Variants in GALC observed in about 807,000 individuals in gnomAD.
The protein encoded by GALC is galactosylceramidase.
Under a neutral mutation model 91.8 loss-of-function variants are expected in GALC, and 77 were observed. The ratio of observed to expected loss-of-function variants is 0.84; its 90% CI spans 0.70 to 1.01. The LOEUF (loss-of-function observed/expected upper bound fraction) is 1.01. Ranked by LOEUF, GALC falls within the 50% of genes least tolerant of loss-of-function variation. The pLI is 0.00. For synonymous variants in GALC, 357 were observed against 306.7 expected, an observed-to-expected ratio of 1.16 and a Z score of -1.71; for missense variants, 882 against 855.9, an observed-to-expected ratio of 1.03 and a Z score of -0.38.
chr14:87,983,103 G>A (rs918101311), intron 5 of GALC, among the ~76,000 whole-genome samples: 6 of 152,104 alleles, frequency 3.9e-5, no homozygotes, highest in African/African-American at 1.4e-4. Context: ...ACTTTGGGAG[G>A]CCGAGGCGGG....
intron 8 of GALC, among the ~76,000 whole-genome samples, chr14:87,967,837 G>A (rs75356374): frequency 0.11 from 17,197 of 152,160 alleles, 1,144 homozygotes; most frequent in Non-Finnish European, 0.16. Context: ...AATGCAATAT[G>A]TGTGTGCTTG....
In GALC at chr14:87,963,416, A is replaced by G. The variant is rs1885893479; in HGVS notation, c.1129T>C (p.Leu377=). Residue 377 remains leucine, a synonymous_variant, in exon 10 of 17, where the codon TTA becomes CTA. Transcript: ENST00000261304. ...GGSYVALTDG[L]GNLTIIIETM... is the part of the protein sequence containing the mutation. ...TCAATGATGATGGTGAGGTTCCCTA[A>G]GCCATCAGTCAGAGCTACGTAGCTT... is the stretch of plus-strand genomic sequence containing the variant. The G allele has an allele frequency of 6.2e-7, 1 of 1,613,442 alleles. No homozygotes were observed. The highest frequency in any genetic ancestry group is 8.5e-7 in the Non-Finnish European group (1 of 1,179,414).
intron 10 of GALC, among the ~76,000 whole-genome samples, chr14:87,951,497 G>A (rs918243822): frequency 6.6e-6 from 1 of 151,820 alleles, no homozygotes; most frequent in Non-Finnish European, 1.5e-5. Flanking sequence ...CAAACAACAT[G>A]CCATCTATAA....
chr14:87,967,490 T>C (rs1024684524), intron 8 of GALC, among the ~76,000 whole-genome samples: 1 of 152,188 alleles, frequency 6.6e-6, no homozygotes, highest in Non-Finnish European at 1.5e-5. Context: ...CACATTAACA[T>C]CACAACAAAT....
At chr14:87,987,915 T>C in intron 3 of GALC, 2 of 533,562 alleles carry the variant, frequency 3.7e-6, no homozygotes, top group East Asian at 3.2e-5. Flanking sequence ...TACCGATTAC[T>C]TCAACTAAAT....
rs11623 is a variant in GALC at position 87,992,996 on chromosome 14, C to G, written c.169G>C (p.Gly57Arg). 4.6e-6 allele frequency: 7 copies of G among 1,535,098 alleles called. No homozygotes were observed. The highest frequency in any genetic ancestry group is 6.1e-6 in the Non-Finnish European group (7 of 1,149,530). ...DSDGLGREFD[G>R]IGAVSGGGAT... ...CCGCCGCCGCTGACCGCGCCGATGC[C>G]GTCGAACTCCCGGCCCAGCCCGTCG... The change falls in exon 1 of 17, where the codon GGC (glycine) becomes CGC (arginine). Residue 57 changes from glycine (G) to arginine (R), a missense_variant. Coordinates refer to ENST00000261304, the MANE Select transcript of GALC (RefSeq NM_000153.4).
chr14:87,950,290 CA>C (rs1885248664), intron 11 of GALC, among the ~76,000 whole-genome samples: 4 of 151,914 alleles, frequency 2.6e-5, no homozygotes, highest in Admixed American at 1.3e-4. Flanking sequence ...TTTGTCAATT[CA>C]AACCTAACAA....
chr14:87,993,417 A>C, upstream of GALC: 1 of 1,535,840 alleles, frequency 6.5e-7, no homozygotes, highest in Non-Finnish European at 8.7e-7. Flanking sequence ...CTGGTGGAGC[A>C]CTTTAACGCA....
chr14:87,955,041 A>G, intron 10 of GALC: 2 of 1,352,834 alleles, frequency 1.5e-6, no homozygotes, highest in Non-Finnish European at 2.1e-6. Flanking sequence ...TGGTCATGGC[A>G]GACCTGTTAC....
At chr14:87,958,435 T>C (rs1885654501) in intron 10 of GALC, among the ~76,000 whole-genome samples, 1 of 152,138 alleles carries the variant, frequency 6.6e-6, no homozygotes, top group South Asian at 2.1e-4. Flanking sequence ...ATCTACAGAT[T>C]TAATGCAATC....
intron 12 of GALC, among the ~76,000 whole-genome samples, chr14:87,948,216 G>C (rs1885155998): frequency 6.6e-6 from 1 of 151,880 alleles, no homozygotes; most frequent in Non-Finnish European, 1.5e-5. Flanking sequence ...ATGCAACTAA[G>C]AGACCTGCTT....
At position 87,953,184 on chromosome 14, in the gene GALC, C is replaced by G; in HGVS notation, c.1162-2436G>C. On this transcript the variant is annotated intron_variant, in intron 10 of 16. Coordinates refer to ENST00000261304, the MANE Select transcript of GALC (RefSeq NM_000153.4). ...AGTCTGAAGCAGCAGTTAGGAAGGT[C>G]TCAGACCTTAAAATGTCAACTGATA... 4 of 1,496,190 alleles carry G rather than the reference C, an allele frequency of 2.7e-6. No individual in the cohort carries two copies. In the Admixed American group the frequency reaches 6.8e-5, roughly 25 times the overall value. 92.7% of individuals were successfully genotyped at this position (1,496,190 alleles called of 1,614,324 possible).
intron 10 of GALC, 28 bp downstream of exon 10, chr14:87,963,356 T>C (rs1255729781): frequency 6.2e-7 from 1 of 1,609,322 alleles, no homozygotes; most frequent in Non-Finnish European, 8.5e-7. Flanking sequence ...AGAAGTGAGT[T>C]AATCCAATAG....
At chr14:87,990,174 G>A (rs1424851418) in intron 1 of GALC, among the ~76,000 whole-genome samples, 1 of 152,034 alleles carries the variant, frequency 6.6e-6, no homozygotes, top group African/African-American at 2.4e-5. Context: ...TCACCTCTTA[G>A]TTCCTTAAGG....
chr14:87,938,656 C>T (rs909509175), intron 16 of GALC, among the ~76,000 whole-genome samples: 10 of 151,740 alleles, frequency 6.6e-5, no homozygotes, highest in African/African-American at 1.9e-4. Context: ...AAATTTCTGA[C>T]GTATTAAAGA....
intron 10 of GALC, among the ~76,000 whole-genome samples, chr14:87,951,815 T>C (rs558002785): frequency 6.6e-5 from 10 of 152,122 alleles, no homozygotes; most frequent in Middle Eastern, 6.8e-3. Flanking sequence ...TCACAATTTG[T>C]GGTATGCCAC....
chr14:87,992,537 A>G (rs1887248014), intron 1 of GALC: 2 of 1,526,064 alleles, frequency 1.3e-6, no homozygotes, highest in Non-Finnish European at 1.8e-6. Flanking sequence ...GACACAGCCA[A>G]AGCATCCCAC....
At chr14:87,958,986 A>G (rs1031062339) in intron 10 of GALC, among the ~76,000 whole-genome samples, 1 of 152,180 alleles carries the variant, frequency 6.6e-6, no homozygotes, top group African/African-American at 2.4e-5. Flanking sequence ...AAAATAGACA[A>G]AGGGGATGAC....
chr14:87,962,436 T>C (rs1885844030), intron 10 of GALC, among the ~76,000 whole-genome samples: 1 of 152,146 alleles, frequency 6.6e-6, no homozygotes, highest in Admixed American at 6.6e-5. Context: ...ACCTTTGGTT[T>C]GAAAAGGTCA....
Sources: allele counts gnomAD v4.1 joint callset (sites outside exome capture counted in the v4.1 genomes callset), GRCh38; gene constraint gnomAD v4.1.1; transcripts MANE v1.5; gene names NCBI Gene and HGNC (gene_info 2026-07-23, HGNC 2026-07-21).